The following EIF2AK1 variants were observed in gnomAD, a reference collection of about 807,000 sequenced individuals.
The protein encoded by EIF2AK1 is eukaryotic translation initiation factor 2-alpha kinase 1.
A neutral mutation model predicts 77.9 loss-of-function variants in EIF2AK1; 54 were observed. The observed-to-expected ratio is 0.69, with a 90% CI of 0.56 to 0.87. EIF2AK1 has a LOEUF of 0.87. Ranked by LOEUF, EIF2AK1 falls within the 40% of genes least tolerant of loss-of-function variation. The pLI is 0.00. For missense variants in EIF2AK1, 810 were observed against 768.6 expected (o/e 1.05, Z -0.64); for synonymous variants, 314 against 290.5 (o/e 1.08, Z -0.82).
chr7:6,056,628 A>ATGTATATGTATG (rs1554324725), intron 1 of EIF2AK1, among the ~76,000 whole-genome samples: 11 of 75,940 alleles, frequency 1.4e-4, no homozygotes, highest in African/African-American at 6.1e-4. Context: ...ATATATATAT[A>ATGTATATGTATG]TATATATAAA....
chr7:6,023,190 C>A lies in EIF2AK1; in HGVS notation c.*1483G>T. On this transcript the variant is annotated 3_prime_UTR_variant, in exon 15 of 15. Transcript: ENST00000199389. ...AATGTGATGTTCTTCTTGAAAACAC[C>A]CTTTCCCATGTCATCAGTCTGTGGT... The A allele has an allele frequency of 1.6e-6, 2 of 1,265,670 alleles. No individual in the cohort carries two copies. Among genetic ancestry groups the A allele is most frequent in the Non-Finnish European group, 2.2e-6 (2 of 929,816 alleles). The allele number at this position is 1,265,670 out of a possible 1,614,324, so 78.4% of individuals were successfully genotyped here.
At chr7:6,028,738 G>T in intron 12 of EIF2AK1, 41 bp from the exon 13 acceptor site, 1 of 1,578,048 alleles carries the variant, frequency 6.3e-7, no homozygotes, top group South Asian at 1.1e-5. Context: ...TGCAGTTAGC[G>T]CTGTCAACAT....
chr7:6,054,711 A>C lies in EIF2AK1; in HGVS notation c.119-7T>G. On this transcript the variant is annotated splice_polypyrimidine_tract_variant and splice_region_variant and intron_variant, in intron 1 of 14. Coordinates refer to ENST00000199389, the MANE Select transcript of EIF2AK1 (RefSeq NM_014413.4). ...TCTGCTGGAACATCAGATTCTAAAA[A>C]TTAAAAAGGAAAATATTTTTAAATT... 1 of 1,610,664 alleles carries C rather than the reference A, an allele frequency of 6.2e-7. No homozygotes were observed. Among genetic ancestry groups the C allele is most frequent in the South Asian group, 1.1e-5 (1 of 90,810 alleles).
chr7:6,030,627 T>C (rs897397840), intron 11 of EIF2AK1, among the ~76,000 whole-genome samples: 2 of 152,122 alleles, frequency 1.3e-5, no homozygotes, highest in Admixed American at 6.5e-5. Context: ...ACCTCCTGAG[T>C]AGCTGGGACT....
intron 2 of EIF2AK1, among the ~76,000 whole-genome samples, chr7:6,052,634 A>G (rs748993971): frequency 4.9e-5 from 7 of 144,106 alleles, no homozygotes; most frequent in African/African-American, 1.8e-4. Context: ...GGCTGGAACT[A>G]TTCTTTTTTT....
chr7:6,051,911 A>G (rs1325664441), intron 2 of EIF2AK1, among the ~76,000 whole-genome samples: 2 of 152,052 alleles, frequency 1.3e-5, no homozygotes. Flanking sequence ...GGTGGCTCAC[A>G]CCTGTAATCC....
intron 2 of EIF2AK1, among the ~76,000 whole-genome samples, chr7:6,050,597 C>T (rs1788581149): frequency 6.8e-6 from 1 of 148,132 alleles, no homozygotes; most frequent in Admixed American, 6.9e-5. Context: ...ACTATAATTA[C>T]TTCTCTTTTT....
At chr7:6,051,086 T>C (rs1167845035) in intron 2 of EIF2AK1, among the ~76,000 whole-genome samples, 3 of 152,074 alleles carry the variant, frequency 2.0e-5, no homozygotes, top group African/African-American at 7.2e-5. Flanking sequence ...AAACATATGA[T>C]GAGAACTTAC....
chr7:6,042,473 C>T (rs1295108171), intron 8 of EIF2AK1, among the ~76,000 whole-genome samples: 1 of 150,478 alleles, frequency 6.6e-6, no homozygotes. Flanking sequence ...AAAATACCGA[C>T]AGGAAATATC....
In EIF2AK1 at chr7:6,046,162, GA is replaced by G; in HGVS notation, c.550-12del. On this transcript the variant is annotated splice_polypyrimidine_tract_variant and intron_variant, in intron 5 of 14. Transcript: ENST00000199389. ...TAATTTATTCCTGACCTGAAAAGTA[GA>G]AAAAAAGACAAAGTATATTGTGTCA... 3.5e-6 allele frequency: 5 copies of G among 1,432,002 alleles called. No homozygotes were observed. The highest frequency in any genetic ancestry group is 1.8e-4 in the Middle Eastern group (1 of 5,588). 88.7% of individuals were successfully genotyped at this position (1,432,002 alleles called of 1,614,324 possible). A position where few individuals can be genotyped will look rare whatever the true frequency, so the allele number is the denominator to read the frequency against.
chr7:6,031,183 C>T (rs1219264321), intron 11 of EIF2AK1, among the ~76,000 whole-genome samples: 1 of 152,114 alleles, frequency 6.6e-6, no homozygotes, highest in Non-Finnish European at 1.5e-5. Context: ...CTAAAAACTG[C>T]TGACATTTGA....
chr7:6,037,306 T>C (rs1562747842), intron 11 of EIF2AK1, 118 bp downstream of exon 11: 2 of 676,510 alleles, frequency 3.0e-6, no homozygotes, highest in Non-Finnish European at 2.6e-6. Flanking sequence ...ACAGTAATTA[T>C]AACCTCCTAA....
chr7:6,052,516 T>A (rs1788634399), intron 2 of EIF2AK1, among the ~76,000 whole-genome samples: 1 of 149,116 alleles, frequency 6.7e-6, no homozygotes, highest in Admixed American at 6.8e-5. Flanking sequence ...TGATAATGTA[T>A]CTTTAACTAA....
Position 6,050,046 on chromosome 7 carries a change from C to T in EIF2AK1, c.278-1G>A. ...ATTTTGATAAACGTCTGGCAAAGTA[C>T]TATAAAAAGAATATGAAAAACTATT... On this transcript the variant is annotated splice_acceptor_variant, in intron 2 of 14. Transcript: ENST00000199389. LOFTEE classifies it high-confidence loss of function. 6.3e-7 allele frequency: 1 copy of T among 1,594,130 alleles called. No individual in the cohort carries two copies. The highest frequency in any genetic ancestry group is 8.5e-7 in the Non-Finnish European group (1 of 1,174,364).
At chr7:6,049,630 T>A (rs975785000) in intron 3 of EIF2AK1, among the ~76,000 whole-genome samples, 2 of 136,888 alleles carry the variant, frequency 1.5e-5, no homozygotes, top group East Asian at 3.9e-4. Flanking sequence ...CTCCTCTCTT[T>A]TTTTTTTTTT....
chr7:6,035,431 A>G lies in EIF2AK1; in HGVS notation c.1332+1993T>C, dbSNP rs779315940. 9.7e-6 allele frequency: 15 copies of G among 1,545,436 alleles called. No homozygotes were observed. In the Admixed American group the frequency reaches 9.8e-5, roughly 10 times the overall value. ...GTGAATTCAGTGTAACGTGTAATCA[A>G]TACCCATTCTAGGGACACGACAGGC... On this transcript the variant is annotated intron_variant, in intron 11 of 14. Transcript: ENST00000199389. This position sits in a 1 kb window ranked among gnomAD's most constrained non-coding sequence, Gnocchi z 5.5.
chr7:6,053,080 G>GA (rs1158456973), intron 2 of EIF2AK1, among the ~76,000 whole-genome samples: 4 of 152,146 alleles, frequency 2.6e-5, no homozygotes, highest in Non-Finnish European at 5.9e-5. Context: ...ATTACTCAAA[G>GA]AAAAATGTAA....
At chr7:6,049,746 C>G in intron 3 of EIF2AK1, 166 bp downstream of exon 3, 1 of 601,702 alleles carries the variant, frequency 1.7e-6, no homozygotes. Flanking sequence ...TCTCAGCCTC[C>G]CAAAGTGCTG....
chr7:6,027,821 T>C lies in EIF2AK1; in HGVS notation c.1530+794A>G, dbSNP rs1787792832. On this transcript the variant is annotated intron_variant, in intron 13 of 14. Transcript: ENST00000199389. This position sits in a 1 kb window ranked among gnomAD's most constrained non-coding sequence, Gnocchi z 4.5. ...AGGTTCATGCCTTAATCCCAGCACT[T>C]TGGGAGGCCAAGGGAGGAGAATCAT... 5.8e-6 allele frequency: 2 copies of C among 345,506 alleles called. No individual in the cohort carries two copies. Among genetic ancestry groups the C allele is most frequent in the Non-Finnish European group, 1.1e-5 (2 of 174,382 alleles). The allele number at this position is 345,506 out of a possible 1,614,324, so 21.4% of individuals were successfully genotyped here.
Sources: allele counts gnomAD v4.1 joint callset (sites outside exome capture counted in the v4.1 genomes callset), GRCh38; gene constraint gnomAD v4.1.1; non-coding constraint Gnocchi (gnomAD v3.1); transcripts MANE v1.5; gene names NCBI Gene and HGNC (gene_info 2026-07-23, HGNC 2026-07-21).